FAM135B: variants seen among roughly 807,000 people sequenced by gnomAD.
FAM135B encodes protein FAM135B.
In FAM135B, 43 loss-of-function variants were observed where a neutral mutation model predicts 127.7. The ratio of observed to expected loss-of-function variants is 0.34; its 90% confidence interval spans 0.26 to 0.43. FAM135B has a LOEUF of 0.43. FAM135B is among the 20% of genes least tolerant of loss of function. FAM135B has a pLI of 1.00. For synonymous variants in FAM135B, 670 were observed against 665.1 expected, an observed-to-expected ratio of 1.01 and a Z score of -0.11; for missense variants, 1,558 against 1,725.6, an observed-to-expected ratio of 0.90 and a Z score of 1.72.
At chr8:138,168,414 T>C (rs939470312) in intron 11 of FAM135B, among the ~76,000 whole-genome samples, 3 of 152,170 alleles carry the variant, frequency 2.0e-5, no homozygotes, top group African/African-American at 7.2e-5. Flanking sequence ...AAAATGTAAA[T>C]GTATGTATCT....
intron 3 of FAM135B, among the ~76,000 whole-genome samples, chr8:138,310,519 T>A (rs1826599990): frequency 6.6e-6 from 1 of 152,062 alleles, no homozygotes; most frequent in Non-Finnish European, 1.5e-5. Flanking sequence ...TTAACAGGCT[T>A]CTCTACCCAC....
At chr8:138,171,066 C>A (rs896012320) in intron 11 of FAM135B, among the ~76,000 whole-genome samples, 3 of 152,280 alleles carry the variant, frequency 2.0e-5, no homozygotes, top group African/African-American at 7.2e-5. Context: ...GGAATTCCAA[C>A]CTGGCCTGAG....
At chr8:138,367,204 T>C (rs1027255049) in intron 2 of FAM135B, 1 of 328,400 alleles carries the variant, frequency 3.0e-6, no homozygotes, top group Non-Finnish European at 6.0e-6. Flanking sequence ...GACACTTAAT[T>C]CAATTTCTAT....
At chr8:138,343,144 T>C (rs1170768961) in intron 2 of FAM135B, among the ~76,000 whole-genome samples, 1 of 152,256 alleles carries the variant, frequency 6.6e-6, no homozygotes, top group African/African-American at 2.4e-5. Context: ...CTTGGAGTCC[T>C]GATAAAGCTC....
rs146873241 is a variant in FAM135B, at chr8:138,189,373, A to G, written c.873+5885T>C. On this transcript the variant is annotated intron_variant, in intron 9 of 19. Transcript: ENST00000395297. ...TCATTCACCATCCTTCAATCACTTC[A>G]ACCTCATTTTTCCTGGATGCCAAAC... 1.2e-4 allele frequency among the ~76,000 whole-genome samples: 18 copies of G among 152,248 alleles called. 1 individual carries two copies. In the East Asian group the frequency reaches 3.3e-3, roughly 28 times the overall value.
intron 8 of FAM135B, among the ~76,000 whole-genome samples, chr8:138,195,658 A>AC (rs1563755494): frequency 2.0e-5 from 3 of 151,458 alleles, no homozygotes; most frequent in East Asian, 3.9e-4. Flanking sequence ...ACACACACAC[A>AC]AACACACACA....
chr8:138,332,304 A>T (rs1000971816), intron 2 of FAM135B, among the ~76,000 whole-genome samples: 7 of 152,108 alleles, frequency 4.6e-5, no homozygotes, highest in Non-Finnish European at 8.8e-5. Context: ...TTTTAGAAAG[A>T]TGTTGCCACT....
intron 7 of FAM135B, among the ~76,000 whole-genome samples, chr8:138,212,382 G>A (rs1056463944): frequency 5.3e-5 from 8 of 152,060 alleles, no homozygotes; most frequent in Admixed American, 2.0e-4. Flanking sequence ...ATATTGCCCC[G>A]CTTTTCCCTG....
Position 138,426,032 on chromosome 8 carries a change from C to CAT in FAM135B, c.-19-58031_-19-58030insAT, listed in dbSNP as rs1307092934. The stretch of plus-strand genomic sequence containing the variant: ...ATATATACACACACATACATATACA[C>CAT]ACACACACACACACACACATATATA... On this transcript the variant is annotated intron_variant, in intron 1 of 19. Coordinates refer to ENST00000395297, the MANE Select transcript of FAM135B (RefSeq NM_015912.4). Among the ~76,000 whole-genome samples the CAT allele has an allele frequency of 5.9e-3, 388 of 66,290 alleles. 23 individuals carry two copies. The highest frequency in any genetic ancestry group is 0.035 in the East Asian group (85 of 2,418). The allele number at this position is 66,290 out of a possible 152,430, so 43.5% of individuals were successfully genotyped here. A position where few individuals can be genotyped will look rare whatever the true frequency, so the allele number is the denominator to read the frequency against.
Position 138,132,735 on chromosome 8 carries a change from G to A in FAM135B, c.4079C>T (p.Thr1360Ile). ...LGPLVEAKDC[T>I]LIRHNVFHAL... Reference sequence around the variant, plus strand: ...GTGGAACACGTTGTGTCGGATTAAAGTGCAGTCCTTGGCTTCAACCAGAGG... The same window carrying A: ...GTGGAACACGTTGTGTCGGATTAAAATGCAGTCCTTGGCTTCAACCAGAGG... Residue 1360 changes from threonine (T) to isoleucine (I), a missense_variant, in exon 20 of 20, where the codon ACT becomes ATT. This residue lies in a region of FAM135B where 194 missense variants were observed against 333.8 expected (regional missense o/e 0.58). Coordinates refer to ENST00000395297, the MANE Select transcript of FAM135B (RefSeq NM_015912.4). The surrounding 1 kb of genome is among the most constrained non-coding windows in gnomAD (Gnocchi z 4.5). The A allele has an allele frequency of 6.2e-7, 1 of 1,614,218 alleles. No homozygotes were observed. Among genetic ancestry groups the A allele is most frequent in the Non-Finnish European group, 8.5e-7 (1 of 1,180,040 alleles).
intron 1 of FAM135B, among the ~76,000 whole-genome samples, chr8:138,484,066 A>C (rs1814893704): frequency 6.6e-6 from 1 of 152,214 alleles, no homozygotes; most frequent in South Asian, 2.1e-4. Context: ...TAATATTTTG[A>C]CTGCTCATCT....
intron 1 of FAM135B, among the ~76,000 whole-genome samples, chr8:138,456,666 T>C (rs988975909): frequency 2.0e-5 from 3 of 152,118 alleles, no homozygotes; most frequent in Non-Finnish European, 4.4e-5. Flanking sequence ...CATTTTAAAG[T>C]TTTCCTAGGA....
At chr8:138,379,604 C>T (rs1456300840) in intron 1 of FAM135B, among the ~76,000 whole-genome samples, 2 of 152,018 alleles carry the variant, frequency 1.3e-5, no homozygotes, top group Non-Finnish European at 2.9e-5. Flanking sequence ...GGCCCAGGTA[C>T]CAGGACTCCA....
At chr8:138,342,227 T>G (rs925545421) in intron 2 of FAM135B, among the ~76,000 whole-genome samples, 1 of 152,176 alleles carries the variant, frequency 6.6e-6, no homozygotes, top group Non-Finnish European at 1.5e-5. Context: ...GACAGAACCA[T>G]GATTCAATTC....
chr8:138,445,766 C>A (rs1303819041), intron 1 of FAM135B, among the ~76,000 whole-genome samples: 4 of 152,160 alleles, frequency 2.6e-5, no homozygotes, highest in African/African-American at 4.8e-5. Flanking sequence ...CCCTCTCTCA[C>A]CACTCCTATT....
At chr8:138,295,052 T>G (rs545744387) in intron 3 of FAM135B, among the ~76,000 whole-genome samples, 4 of 150,922 alleles carry the variant, frequency 2.7e-5, no homozygotes, top group East Asian at 3.9e-4. Flanking sequence ...TCATGAGAGA[T>G]AATTCCTCAC....
chr8:138,386,383 CTA>C, intron 1 of FAM135B, among the ~76,000 whole-genome samples: 1 of 152,170 alleles, frequency 6.6e-6, no homozygotes, highest in South Asian at 2.1e-4. Flanking sequence ...GGTAATAAAA[CTA>C]TTGATGGTTC....
chr8:138,352,537 C>A (rs571739512), intron 2 of FAM135B, among the ~76,000 whole-genome samples: 1 of 152,278 alleles, frequency 6.6e-6, no homozygotes, highest in South Asian at 2.1e-4. Context: ...AGCCAGGCAT[C>A]CATTCATCTT....
At position 138,157,897 on chromosome 8, in the gene FAM135B, C is replaced by T. The variant is rs181716285; in HGVS notation, c.1259-4681G>A. ...CCCAAGGTAATTTATAGATTCAATG[C>T]CACCCTCATCAAGCTACCAATGACT... On this transcript the variant is annotated intron_variant, in intron 12 of 19. Coordinates refer to ENST00000395297, the MANE Select transcript of FAM135B (RefSeq NM_015912.4). Among the ~76,000 whole-genome samples the T allele has an allele frequency of 5.0e-3, 764 of 152,226 alleles. 2 individuals carry two copies. Among genetic ancestry groups the T allele is most frequent in the Non-Finnish European group, 8.1e-3 (552 of 68,024 alleles).
Sources: allele counts gnomAD v4.1 joint callset (sites outside exome capture counted in the v4.1 genomes callset), GRCh38; gene constraint gnomAD v4.1.1; regional missense constraint gnomAD v4.1.1; non-coding constraint Gnocchi (gnomAD v3.1); transcripts MANE v1.5; gene names NCBI Gene and HGNC (gene_info 2026-07-23, HGNC 2026-07-21).